CD84: variants seen among roughly 807,000 people sequenced by gnomAD.
The protein encoded by CD84 is CD84 molecule.
In CD84, 22 loss-of-function variants were observed where a neutral mutation model predicts 33.8. The ratio of observed to expected loss-of-function variants is 0.65; its 90% CI spans 0.46 to 0.93. CD84 has a LOEUF of 0.93. Ranked by LOEUF, CD84 falls within the 40% of genes least tolerant of loss-of-function variation. The pLI is 0.00. For missense variants in CD84, 400 were observed against 397.6 expected (o/e 1.01, Z -0.05); for synonymous variants, 154 against 145.2 (o/e 1.06, Z -0.44).
intron 2 of CD84, among the ~76,000 whole-genome samples, chr1:160,555,705 T>C (rs938914491): frequency 3.3e-5 from 5 of 152,206 alleles, no homozygotes; most frequent in African/African-American, 1.2e-4. Context: ...GTGGTGGGGT[T>C]TGTTTCTTCC....
chr1:160,565,372 A>G, intron 2 of CD84, 32 bp downstream of exon 2: 7 of 1,512,962 alleles, frequency 4.6e-6, no homozygotes, highest in Non-Finnish European at 6.2e-6. Context: ...AGTAAAAATA[A>G]AACACAAGCT....
intron 4 of CD84, chr1:160,553,149 G>A (rs1656350739): frequency 5.8e-6 from 4 of 694,250 alleles, no homozygotes; most frequent in Non-Finnish European, 1.0e-5. Flanking sequence ...TCGAACCCAT[G>A]TTCTGGGCCC....
Position 160,550,097 on chromosome 1 carries a change from C to T in CD84, c.859-118G>A, listed in dbSNP as rs1328549798. On this transcript the variant is annotated intron_variant, in intron 5 of 6. Coordinates refer to ENST00000368054, the MANE Select transcript of CD84 (RefSeq NM_003874.4). ...GGTCCCACATTTACTGGGTGGCCTC[C>T]CCTTTGGCCTCAGTTCTGCCTCCAT... 9.3e-6 allele frequency: 7 copies of T among 753,176 alleles called. No homozygotes were observed. In the East Asian group the frequency reaches 1.6e-4, roughly 17 times the overall value. 46.7% of individuals were successfully genotyped at this position (753,176 alleles called of 1,614,324 possible). A position where few individuals can be genotyped will look rare whatever the true frequency, so the allele number is the denominator to read the frequency against.
intron 4 of CD84, chr1:160,553,156 GC>G (rs1656351845): frequency 1.4e-6 from 1 of 715,046 alleles, no homozygotes; most frequent in Non-Finnish European, 2.4e-6. Flanking sequence ...CATGTTCTGG[GC>G]CCACCAGCTA....
intron 2 of CD84, among the ~76,000 whole-genome samples, chr1:160,561,275 T>C (rs1656940652): frequency 6.6e-6 from 1 of 152,196 alleles, no homozygotes; most frequent in African/African-American, 2.4e-5. Flanking sequence ...AGTAAAATGC[T>C]GGCAAACCAA....
intron 1 of CD84, among the ~76,000 whole-genome samples, chr1:160,570,595 T>C (rs1232862292): frequency 6.6e-6 from 1 of 152,196 alleles, no homozygotes; most frequent in Admixed American, 6.5e-5. Context: ...GCATGGTGGC[T>C]CACATCTGTA....
intron 1 of CD84, among the ~76,000 whole-genome samples, chr1:160,570,578 G>A (rs1657628483): frequency 6.6e-6 from 1 of 152,162 alleles, no homozygotes; most frequent in Admixed American, 6.5e-5. Flanking sequence ...AGAAGAGTGG[G>A]AACCTGGCAT....
intron 1 of CD84, among the ~76,000 whole-genome samples, chr1:160,567,244 C>A (rs908364144): frequency 6.6e-6 from 1 of 152,180 alleles, no homozygotes; most frequent in Non-Finnish European, 1.5e-5. Context: ...AAAGTATACA[C>A]GTCCCTTGAA....
chr1:160,568,275 T>C, intron 1 of CD84, among the ~76,000 whole-genome samples: 1 of 152,060 alleles, frequency 6.6e-6, no homozygotes, highest in East Asian at 1.9e-4. Flanking sequence ...GGTGCAGTTT[T>C]AAAAGTATGT....
chr1:160,570,663 C>A (rs1442651276), intron 1 of CD84, among the ~76,000 whole-genome samples: 4 of 152,090 alleles, frequency 2.6e-5, no homozygotes, highest in African/African-American at 9.7e-5. Context: ...GAGTGCGAGA[C>A]CAGCCTGGGT....
chr1:160,545,521 G>C lies in CD84; in HGVS notation c.*2735C>G, dbSNP rs1210924512. On this transcript the variant is annotated 3_prime_UTR_variant, in exon 7 of 7. Transcript: ENST00000368054. ...CTTTCACCTCCTTACAACTGGTTAGGTGCTTCAGCTGACCTCTTAGTTGGT... is the reference window on the plus strand; with the variant it reads ...CTTTCACCTCCTTACAACTGGTTAGCTGCTTCAGCTGACCTCTTAGTTGGT... The C allele has an allele frequency of 1.3e-5, 2 of 152,154 alleles. No individual in the cohort carries two copies. The highest frequency in any genetic ancestry group is 4.8e-5 in the African/African-American group (2 of 41,424). 9.4% of individuals were successfully genotyped at this position (152,154 alleles called of 1,614,324 possible). A position where few individuals can be genotyped will look rare whatever the true frequency, so the allele number is the denominator to read the frequency against.
intron 2 of CD84, among the ~76,000 whole-genome samples, chr1:160,558,841 G>A (rs1013821238): frequency 1.3e-5 from 2 of 152,088 alleles, no homozygotes; most frequent in Admixed American, 1.3e-4. Context: ...CTGATCACAA[G>A]TATCAACAGC....
At chr1:160,560,325 G>A (rs538649611) in intron 2 of CD84, among the ~76,000 whole-genome samples, 1 of 152,164 alleles carries the variant, frequency 6.6e-6, no homozygotes, top group Admixed American at 6.5e-5. Flanking sequence ...TCAAATTAGA[G>A]CTCAAAATTA....
chr1:160,568,146 C>T (rs12072834), intron 1 of CD84, among the ~76,000 whole-genome samples: 2,055 of 152,184 alleles, frequency 0.014, 46 homozygotes, highest in African/African-American at 0.046. Flanking sequence ...ACATAGATTC[C>T]ACAGACTCGT....
chr1:160,555,532 A>G (rs768095475), intron 2 of CD84, among the ~76,000 whole-genome samples: 3 of 152,216 alleles, frequency 2.0e-5, no homozygotes, highest in Non-Finnish European at 4.4e-5. Context: ...TAAACTATAA[A>G]AGTTGAAGGC....
At chr1:160,573,120 G>A (rs191984551) in intron 1 of CD84, among the ~76,000 whole-genome samples, 169 of 151,804 alleles carry the variant, frequency 1.1e-3, no homozygotes, top group African/African-American at 3.9e-3. Context: ...AAGACAATAG[G>A]GATCGTGAGA....
chr1:160,571,029 A>C (rs530212077), intron 1 of CD84: 1 of 152,310 alleles, frequency 6.6e-6, no homozygotes, highest in East Asian at 1.9e-4. Flanking sequence ...AGGAAGATAG[A>C]AGTTGGAACC....
chr1:160,571,684 A>G (rs1484367959), intron 1 of CD84, among the ~76,000 whole-genome samples: 1 of 152,110 alleles, frequency 6.6e-6, no homozygotes, highest in African/African-American at 2.4e-5. Flanking sequence ...GGGAGGAGCT[A>G]GGGAGGGTAA....
At chr1:160,569,516 A>T (rs1018823728) in intron 1 of CD84, among the ~76,000 whole-genome samples, 1 of 96,622 alleles carries the variant, frequency 1.0e-5, no homozygotes, top group Non-Finnish European at 2.0e-5. Context: ...GGGAAATAAG[A>T]TACACACACA....
Sources: gnomAD v4.1 joint callset for allele counts (sites outside exome capture counted in the v4.1 genomes callset) on GRCh38, gnomAD v4.1.1 for gene constraint, MANE v1.5 for transcripts, NCBI Gene and HGNC (gene_info 2026-07-23, HGNC 2026-07-21) for gene names.